Variants in ENPP2 observed in about 807,000 individuals in gnomAD.
ENPP2 encodes ectonucleotide pyrophosphatase/phosphodiesterase 2.
ENPP2 carries 51 observed loss-of-function variants against 120.2 expected under a neutral mutation model. The ratio of observed to expected loss-of-function variants is 0.42; its 90% CI spans 0.34 to 0.54. The LOEUF (loss-of-function observed/expected upper bound fraction) is 0.54, where lower values mean the gene tolerates loss of function less well. Ranked by LOEUF, ENPP2 falls within the 20% of genes least tolerant of loss-of-function variation. ENPP2 has a pLI of 0.04. For missense variants in ENPP2, 920 were observed against 1,066.5 expected, an observed-to-expected ratio of 0.86 and a Z score of 1.91; for synonymous variants, 365 against 366.4, an observed-to-expected ratio of 1.00 and a Z score of 0.04.
At chr8:119,627,207 A>G (rs1200054021) in intron 2 of ENPP2, among the ~76,000 whole-genome samples, 2 of 152,164 alleles carry the variant, frequency 1.3e-5, no homozygotes, top group Non-Finnish European at 2.9e-5. Context: ...TGTTCCAAGA[A>G]CAGAACGAAT....
chr8:119,639,524 T>A (rs1364266134), upstream of ENPP2, among the ~76,000 whole-genome samples: 1 of 152,036 alleles, frequency 6.6e-6, no homozygotes, highest in East Asian at 1.9e-4. Flanking sequence ...CAGCATAAAG[T>A]CCTTCTGCCC....
intron 19 of ENPP2, among the ~76,000 whole-genome samples, chr8:119,576,431 C>T (rs895086885): frequency 3.3e-5 from 5 of 152,174 alleles, no homozygotes; most frequent in African/African-American, 7.2e-5. Flanking sequence ...AGCCACTGAC[C>T]GCACCCAGCT....
At position 119,596,094 on chromosome 8, in the gene ENPP2, G is replaced by C. The variant is rs1043982468; in HGVS notation, c.973-2234C>G. The C allele has an allele frequency of 8.1e-6, 10 of 1,229,006 alleles. No homozygotes were observed. In the East Asian group the frequency reaches 1.6e-4, roughly 20 times the overall value. 76.1% of individuals were successfully genotyped at this position (1,229,006 alleles called of 1,614,324 possible). ...TACACTTTCCCATCTGGGATCAGCA[G>C]AGTCTCAGAATAACTAAGGCTCCTT... On this transcript the variant is annotated intron_variant, in intron 11 of 24. Transcript: ENST00000075322.
rs78190249 is a variant in ENPP2, at chr8:119,604,406, C to T, written c.834-2944G>A. On this transcript the variant is annotated intron_variant, in intron 9 of 24. Transcript: ENST00000075322. The stretch of plus-strand genomic sequence containing the variant: ...CTAGATTATCTTTATGAAATAACCT[C>T]AGAGACCAAAAGGACATGGCCCTTA... Among the ~76,000 whole-genome samples, 16 of 152,288 alleles carry T rather than the reference C, an allele frequency of 1.1e-4. No individual in the cohort carries two copies. In the East Asian group the frequency reaches 2.9e-3, roughly 28 times the overall value.
intron 2 of ENPP2, 62 bp downstream of exon 2, chr8:119,638,363 A>G (rs984862719): frequency 2.4e-6 from 2 of 823,046 alleles, no homozygotes; most frequent in Non-Finnish European, 4.2e-6. Flanking sequence ...ATAAGCTTAC[A>G]TTGATTACCC....
chr8:119,593,409 T>C (rs1738094678), intron 12 of ENPP2, among the ~76,000 whole-genome samples: 1 of 152,188 alleles, frequency 6.6e-6, no homozygotes, highest in Non-Finnish European at 1.5e-5. Context: ...CTGGCAGGGA[T>C]AGGAGATTAT....
intron 2 of ENPP2, among the ~76,000 whole-genome samples, chr8:119,635,973 A>T (rs938343405): frequency 1.3e-5 from 2 of 152,220 alleles, no homozygotes; most frequent in African/African-American, 4.8e-5. Context: ...AAACAACTGC[A>T]TGCTTTTGAA....
At position 119,590,995 on chromosome 8, in the gene ENPP2, TAAAAAAA is replaced by T. The variant is rs58061193; in HGVS notation, c.1082-372_1082-366del. ...GTCTTTATGAAAAAGATCTATTCTT[TAAAAAAA>T]AAAAAAAAAAAAAACCCTAGGTTGC... is the stretch of plus-strand genomic sequence containing the variant. On this transcript the variant is annotated intron_variant, in intron 12 of 24. Transcript: ENST00000075322. Among the ~76,000 whole-genome samples, 170 of 109,958 alleles carry T rather than the reference TAAAAAAA, an allele frequency of 1.5e-3. 2 individuals are homozygous for T. The highest frequency in any genetic ancestry group is 6.1e-3 in the African/African-American group (167 of 27,600). 72.1% of individuals were successfully genotyped at this position (109,958 alleles called of 152,430 possible).
At chr8:119,615,518 C>T (rs1194878696) in intron 8 of ENPP2, among the ~76,000 whole-genome samples, 1 of 152,098 alleles carries the variant, frequency 6.6e-6, no homozygotes, top group Non-Finnish European at 1.5e-5. Flanking sequence ...CACCTACAAC[C>T]CTTTTTATTT....
Position 119,557,533 on chromosome 8 carries a change from C to G in ENPP2, c.2580G>C (p.Glu860Asp), listed in dbSNP as rs529559244. 6.2e-7 allele frequency: 1 copy of G among 1,612,476 alleles called. No homozygotes were observed. Among genetic ancestry groups the G allele is most frequent in the South Asian group, 1.1e-5 (1 of 90,824 alleles). The stretch of plus-strand genomic sequence containing the variant: ...GATGCTCAGAAAGTTAAATCTCGCT[C>G]TCATATGTATGCAGGTATGTCTTGA... ...LTLKTYLHTY[E>D]SEI The change falls in exon 25 of 25, where the codon GAG becomes GAC. Residue 860 changes from glutamate (E) to aspartate (D), a missense_variant. Coordinates refer to ENST00000075322, the MANE Select transcript of ENPP2 (RefSeq NM_001040092.3).
rs201905597 is a variant in ENPP2 at position 119,590,675 on chromosome 8, G to A, written c.1082-45C>T. On this transcript the variant is annotated intron_variant, in intron 12 of 24. Coordinates refer to ENST00000075322, the MANE Select transcript of ENPP2 (RefSeq NM_001040092.3). ...GAATATTTTCAGGCAAGACTAAAAC[G>A]AAAATCTTAACATAGACACGAAAGA... 925 of 1,351,922 alleles carry A rather than the reference G, an allele frequency of 6.8e-4. 2 individuals are homozygous for A. The highest frequency in any genetic ancestry group is 1.3e-3 in the Middle Eastern group (7 of 5,290). 83.7% of individuals were successfully genotyped at this position (1,351,922 alleles called of 1,614,324 possible). A position where few individuals can be genotyped will look rare whatever the true frequency, so the allele number is the denominator to read the frequency against.
At position 119,622,708 on chromosome 8, in the gene ENPP2, T is replaced by C. The variant is rs755369740; in HGVS notation, c.293-1189A>G. On this transcript the variant is annotated intron_variant, in intron 3 of 24. Transcript: ENST00000075322. ...TATTAAATTGAATTGGAAATGACCA[T>C]GGAGATAAAATATAACTCTTTAAAT... 1.2e-4 allele frequency among the ~76,000 whole-genome samples: 19 copies of C among 152,134 alleles called. 1 individual carries two copies. Among genetic ancestry groups the C allele is most frequent in the Admixed American group, 1.1e-3 (17 of 15,268 alleles).
chr8:119,572,128 T>G (rs1461432439), intron 19 of ENPP2: 1 of 1,036,118 alleles, frequency 9.7e-7, no homozygotes, highest in Admixed American at 2.0e-5. Context: ...CAGTAGTACT[T>G]AGGGGCAGTA....
intron 11 of ENPP2, among the ~76,000 whole-genome samples, chr8:119,599,383 C>A (rs1418853230): frequency 2.0e-5 from 3 of 151,654 alleles, no homozygotes; most frequent in African/African-American, 7.3e-5. Flanking sequence ...TAAGTATTGT[C>A]AAAAAACTTA....
intron 1 of ENPP2, among the ~76,000 whole-genome samples, chr8:119,644,100 T>C (rs938217381): frequency 2.6e-5 from 4 of 152,108 alleles, no homozygotes; most frequent in Admixed American, 2.0e-4. Flanking sequence ...TTAGGTGATA[T>C]TGTCTTTACC....
intron 3 of ENPP2, among the ~76,000 whole-genome samples, chr8:119,624,543 G>A (rs1049350312): frequency 6.6e-6 from 1 of 151,968 alleles, no homozygotes; most frequent in African/African-American, 2.4e-5. Flanking sequence ...ATCTTAAGGA[G>A]AATAGGCAAA....
At position 119,593,771 on chromosome 8, in the gene ENPP2, G is replaced by A; in HGVS notation, c.1062C>T (p.Val354=). The change falls in exon 12 of 25, where the codon GTC becomes GTT. Residue 354 remains valine (V), a synonymous_variant. Coordinates refer to ENST00000075322, the MANE Select transcript of ENPP2 (RefSeq NM_001040092.3). ...KQLKLHRCVN[V]IFVGDHGMED... ...CTTTACCATGGTCTCCGACAAAGAT[G>A]ACGTTGACACACCGATGCAGTTTTA... 1 of 1,608,140 alleles carries A rather than the reference G, an allele frequency of 6.2e-7. No homozygotes were observed. The highest frequency in any genetic ancestry group is 1.1e-5 in the South Asian group (1 of 90,958).
intron 24 of ENPP2, 45 bp from the exon 25 acceptor site, chr8:119,557,736 G>T: frequency 6.7e-7 from 1 of 1,493,872 alleles, no homozygotes; most frequent in Non-Finnish European, 8.9e-7. Flanking sequence ...TTTTCCAGAG[G>T]AGTTTCTCCA....
intron 3 of ENPP2, among the ~76,000 whole-genome samples, chr8:119,626,203 A>G (rs1816262152): frequency 6.6e-6 from 1 of 152,202 alleles, no homozygotes; most frequent in Non-Finnish European, 1.5e-5. Flanking sequence ...TAATAAATAA[A>G]TAAGTAATAA....
Sources: allele counts gnomAD v4.1 joint callset (sites outside exome capture counted in the v4.1 genomes callset), GRCh38; gene constraint gnomAD v4.1.1; transcripts MANE v1.5; gene names NCBI Gene and HGNC (gene_info 2026-07-23, HGNC 2026-07-21).